HERC6: variants seen among roughly 807,000 people sequenced by gnomAD.
HERC6 encodes the protein HECT and RLD domain containing E3 ubiquitin protein ligase family member 6.
A neutral mutation model predicts 114.5 loss-of-function variants in HERC6; 101 were observed. That is an observed-to-expected ratio of 0.88 (90% CI 0.75 to 1.04). The LOEUF (loss-of-function observed/expected upper bound fraction) is 1.04, where lower values mean the gene tolerates loss of function less well. HERC6 is among the 50% of genes least tolerant of loss of function. HERC6 has a pLI of 0.00. For missense variants in HERC6, 1,133 were observed against 1,230.9 expected, an observed-to-expected ratio of 0.92 and a Z score of 1.19; for synonymous variants, 408 against 436.2, an observed-to-expected ratio of 0.94 and a Z score of 0.81.
At chr4:88,389,742 G>C (rs1375748620) in intron 3 of HERC6, among the ~76,000 whole-genome samples, 1 of 152,030 alleles carries the variant, frequency 6.6e-6, no homozygotes, top group Non-Finnish European at 1.5e-5. Context: ...ACCTTTTAAA[G>C]ATTTGTAAAA....
At chr4:88,435,980 T>C (rs1476535247) in intron 18 of HERC6, 89 bp downstream of exon 18, 2 of 938,878 alleles carry the variant, frequency 2.1e-6, no homozygotes, top group African/African-American at 3.4e-5. Flanking sequence ...GAGACAGATA[T>C]GGTCTTCAAT....
At chr4:88,401,505 A>G (rs1158733879) in intron 8 of HERC6, among the ~76,000 whole-genome samples, 4 of 151,888 alleles carry the variant, frequency 2.6e-5, no homozygotes, top group Non-Finnish European at 4.4e-5. Context: ...AAAAAAAAAA[A>G]AAGAAAAGAA....
intron 22 of HERC6, among the ~76,000 whole-genome samples, chr4:88,440,850 T>C (rs1180249443): frequency 6.6e-6 from 1 of 152,184 alleles, no homozygotes; most frequent in Non-Finnish European, 1.5e-5. Flanking sequence ...AGAAAAGAAG[T>C]GATTTCTTGG....
chr4:88,395,897 T>C (rs1316214291), intron 5 of HERC6, 118 bp from the exon 6 acceptor site: 1 of 795,828 alleles, frequency 1.3e-6, no homozygotes, highest in African/African-American at 1.8e-5. Context: ...CTCCTATTTA[T>C]GTAGAGCTTG....
Position 88,442,383 on chromosome 4 carries a change from G to T in HERC6, c.2992G>T (p.Glu998Ter). 6.2e-7 allele frequency: 1 copy of T among 1,613,932 alleles called. No homozygotes were observed. Among genetic ancestry groups the T allele is most frequent in the Non-Finnish European group, 8.5e-7 (1 of 1,179,942 alleles). Reference sequence around the variant, plus strand: ...CTCCCTCCCTAAGTATTCTACAATGGAAAGAATGGAGGAAGCACTTCAAGT... The same window carrying T: ...CTCCCTCCCTAAGTATTCTACAATGTAAAGAATGGAGGAAGCACTTCAAGT... ...ILSLPKYSTM[E>*]RMEEALQVAI... Residue 998 changes from glutamate to a stop codon, truncating the protein, a stop_gained, in exon 23 of 23, where the codon GAA (glutamate) becomes TAA (stop). Coordinates refer to ENST00000264346, the MANE Select transcript of HERC6 (RefSeq NM_017912.4). LOFTEE classifies it low-confidence loss of function (END_TRUNC).
intron 6 of HERC6, 107 bp from the exon 7 acceptor site, chr4:88,396,738 TAGTAAA>T (rs1180634398): frequency 3.9e-5 from 37 of 954,988 alleles, no homozygotes; most frequent in Non-Finnish European, 5.5e-5. Context: ...GCTGCGTACT[TAGTAAA>T]AGTAAATTGG....
intron 13 of HERC6, among the ~76,000 whole-genome samples, chr4:88,423,291 T>G (rs1737258334): frequency 6.6e-6 from 1 of 152,116 alleles, no homozygotes; most frequent in African/African-American, 2.4e-5. Context: ...TTGAACCTCT[T>G]AAGTCTTTCC....
intron 2 of HERC6, 71 bp downstream of exon 2, chr4:88,383,451 GC>G: frequency 1.6e-6 from 2 of 1,239,900 alleles, no homozygotes; most frequent in Middle Eastern, 2.3e-4. Context: ...TGTGCAAGAT[GC>G]CAGGATACAA....
chr4:88,430,619 G>A (rs1201138282), intron 16 of HERC6, among the ~76,000 whole-genome samples: 1 of 148,756 alleles, frequency 6.7e-6, no homozygotes, highest in Non-Finnish European at 1.5e-5. Context: ...TAAAAAGAGG[G>A]ACTGGTTAAT....
At chr4:88,416,635 G>T (rs1344942640) in intron 12 of HERC6, among the ~76,000 whole-genome samples, 1 of 151,588 alleles carries the variant, frequency 6.6e-6, no homozygotes, top group Non-Finnish European at 1.5e-5. Flanking sequence ...TTAAATATTT[G>T]ATCCATATGA....
chr4:88,432,620 T>C (rs1265616455), intron 17 of HERC6, among the ~76,000 whole-genome samples: 2 of 151,706 alleles, frequency 1.3e-5, no homozygotes, highest in African/African-American at 2.4e-5. Context: ...TCCCAGCTAC[T>C]TGGGAGGCTG....
chr4:88,382,558 A>G (rs1464308489), intron 1 of HERC6, among the ~76,000 whole-genome samples: 10 of 152,168 alleles, frequency 6.6e-5, no homozygotes, highest in Admixed American at 5.9e-4. Context: ...GTCATGTGTC[A>G]TAGTCCCTAG....
intron 18 of HERC6, among the ~76,000 whole-genome samples, chr4:88,436,685 C>T (rs1390124960): frequency 6.6e-6 from 1 of 152,144 alleles, no homozygotes; most frequent in Non-Finnish European, 1.5e-5. Flanking sequence ...TTTGTAATTT[C>T]CATGAAGATG....
chr4:88,387,641 C>T (rs1236978220), intron 3 of HERC6, among the ~76,000 whole-genome samples: 1 of 152,174 alleles, frequency 6.6e-6, no homozygotes, highest in African/African-American at 2.4e-5. Flanking sequence ...CCTGTCATTT[C>T]TAGCTGTTTG....
intron 6 of HERC6, among the ~76,000 whole-genome samples, chr4:88,396,605 A>C (rs1463051654): frequency 2.0e-5 from 3 of 152,250 alleles, no homozygotes; most frequent in African/African-American, 4.8e-5. Flanking sequence ...CAAATGATAG[A>C]AACCATAGTA....
At chr4:88,418,738 T>C (rs1311823873) in intron 13 of HERC6, among the ~76,000 whole-genome samples, 1 of 152,136 alleles carries the variant, frequency 6.6e-6, no homozygotes, top group Non-Finnish European at 1.5e-5. Flanking sequence ...TGTTTGTTTG[T>C]TTGCTTGAGA....
intron 15 of HERC6, 137 bp downstream of exon 15, chr4:88,424,839 G>A (rs1164856830): frequency 6.5e-6 from 4 of 610,852 alleles, no homozygotes; most frequent in East Asian, 3.0e-5. Flanking sequence ...TTTTTTCTTT[G>A]TTGTTGTTAC....
intron 19 of HERC6, 134 bp from the exon 20 acceptor site, chr4:88,437,577 T>C: frequency 1.6e-6 from 1 of 643,140 alleles, no homozygotes; most frequent in Non-Finnish European, 2.7e-6. Flanking sequence ...AAGGCTGAAC[T>C]ACATAAAAAA....
chr4:88,393,566 C>T lies in HERC6; in HGVS notation c.743C>T (p.Thr248Ile). Reference sequence around the variant, plus strand: ...TATATCAGCTGTGGTGATGCACACACTGCGGTGCTTACCCAGGTAATCCAA... The same window carrying T: ...TATATCAGCTGTGGTGATGCACACATTGCGGTGCTTACCCAGGTAATCCAA... ...VVYISCGDAH[T>I]AVLTQDGKVF... The change falls in exon 5 of 23, where the codon ACT becomes ATT. Residue 248 changes from threonine (T) to isoleucine (I), a missense_variant. Coordinates refer to ENST00000264346, the MANE Select transcript of HERC6 (RefSeq NM_017912.4). 6.2e-7 allele frequency: 1 copy of T among 1,609,332 alleles called. No homozygotes were observed. The highest frequency in any genetic ancestry group is 2.2e-5 in the East Asian group (1 of 44,850).
Sources: allele counts gnomAD v4.1 joint callset (sites outside exome capture counted in the v4.1 genomes callset), GRCh38; gene constraint gnomAD v4.1.1; transcripts MANE v1.5; gene names NCBI Gene and HGNC (gene_info 2026-07-23, HGNC 2026-07-21).